Variants in ADIPOR2 observed in about 807,000 individuals in gnomAD.
The protein encoded by ADIPOR2 is adiponectin receptor protein 2.
Under a neutral mutation model 40.9 loss-of-function variants are expected in ADIPOR2, and 18 were observed. That is an observed-to-expected ratio of 0.44 (90% CI 0.30 to 0.65). The LOEUF (loss-of-function observed/expected upper bound fraction) is 0.65, where lower values mean the gene tolerates loss of function less well. Among genes scored for constraint, ADIPOR2 ranks in the 30% least tolerant of loss-of-function variants. ADIPOR2 has a pLI of 0.09. For missense variants in ADIPOR2, 283 were observed against 479.2 expected, an observed-to-expected ratio of 0.59 and a Z score of 3.82; for synonymous variants, 165 against 166.4, an observed-to-expected ratio of 0.99 and a Z score of 0.06.
intron 1 of ADIPOR2, among the ~76,000 whole-genome samples, chr12:1,721,116 C>T (rs940288017): frequency 6.6e-6 from 1 of 151,664 alleles, no homozygotes; most frequent in African/African-American, 2.4e-5. Context: ...TAAAACTAAA[C>T]TTTGCCCCGG....
chr12:1,700,227 G>A (rs1489053650), intron 1 of ADIPOR2, among the ~76,000 whole-genome samples: 1 of 152,132 alleles, frequency 6.6e-6, no homozygotes, highest in South Asian at 2.1e-4. Flanking sequence ...TGGCCATTTA[G>A]GCCTTTCTTT....
At chr12:1,746,272 CACTTTGAG>C (rs2094754799) in intron 1 of ADIPOR2, among the ~76,000 whole-genome samples, 1 of 152,150 alleles carries the variant, frequency 6.6e-6, no homozygotes, top group African/African-American at 2.4e-5. Context: ...GTAATCCCAG[CACTTTGAG>C]AGGCTGAGGT....
At chr12:1,701,538 T>G (rs2094650254) in intron 1 of ADIPOR2, among the ~76,000 whole-genome samples, 1 of 152,254 alleles carries the variant, frequency 6.6e-6, no homozygotes, top group African/African-American at 2.4e-5. Flanking sequence ...GCTTATTCTA[T>G]AATTTGTCTT....
chr12:1,753,505 C>T (rs1862048686), intron 1 of ADIPOR2, among the ~76,000 whole-genome samples: 2 of 152,150 alleles, frequency 1.3e-5, no homozygotes, highest in Non-Finnish European at 1.5e-5. Flanking sequence ...GGATGTAAAA[C>T]GTGTATGCTT....
chr12:1,775,288 TA>T lies in ADIPOR2; in HGVS notation c.291+2328del, dbSNP rs553030662. Among the ~76,000 whole-genome samples, 318 of 152,352 alleles carry T rather than the reference TA, an allele frequency of 2.1e-3. 1 individual carries two copies. Among genetic ancestry groups the T allele is most frequent in the Admixed American group, 5.6e-3 (86 of 15,312 alleles). ...AAGCCGTGATCTTATTTTTTTATTCTAGGGGGTAAAAGAGGATACCTATTTG... is the reference window on the plus strand; with the variant it reads ...AAGCCGTGATCTTATTTTTTTATTCTGGGGGTAAAAGAGGATACCTATTTG... On this transcript the variant is annotated intron_variant, in intron 3 of 7. Transcript: ENST00000357103.
chr12:1,737,496 A>C (rs967719092), intron 1 of ADIPOR2, among the ~76,000 whole-genome samples: 1 of 152,220 alleles, frequency 6.6e-6, no homozygotes, highest in Non-Finnish European at 1.5e-5. Context: ...CAAGTTTACC[A>C]GATAGAAAAA....
intron 2 of ADIPOR2, among the ~76,000 whole-genome samples, chr12:1,771,822 A>G (rs1862499851): frequency 6.6e-6 from 1 of 152,228 alleles, no homozygotes; most frequent in Non-Finnish European, 1.5e-5. Context: ...TGTTAGCAGT[A>G]CTGTTTATCT....
intron 5 of ADIPOR2, 80 bp downstream of exon 5, chr12:1,780,717 G>T: frequency 1.4e-6 from 2 of 1,424,660 alleles, no homozygotes; most frequent in East Asian, 2.4e-5. Flanking sequence ...AGAGTTGGCA[G>T]AATTCTTAAT....
At chr12:1,767,718 A>G (rs943102711) in intron 2 of ADIPOR2, among the ~76,000 whole-genome samples, 2 of 152,206 alleles carry the variant, frequency 1.3e-5, no homozygotes, top group African/African-American at 4.8e-5. Context: ...GAAGTATTTC[A>G]GAAAGAAAGT....
chr12:1,777,371 ATTTTTTCTTTCTTTTTT>A lies in ADIPOR2; in HGVS notation c.292-476_292-460del, dbSNP rs1477798534. Among the ~76,000 whole-genome samples, 8 of 111,840 alleles carry A rather than the reference ATTTTTTCTTTCTTTTTT, an allele frequency of 7.2e-5. No homozygotes were observed. In the East Asian group the frequency reaches 2.0e-3, roughly 28 times the overall value. The allele number at this position is 111,840 out of a possible 152,430, so 73.4% of individuals were successfully genotyped here. ...TCCTAAGGCCCCCACTTAAAAGTAT[ATTTTTTCTTTCTTTTTT>A]TTTTTTTTTTTTTTTGAGGCAGAGT... On this transcript the variant is annotated intron_variant, in intron 3 of 7. Coordinates refer to ENST00000357103, the MANE Select transcript of ADIPOR2 (RefSeq NM_024551.3).
intron 1 of ADIPOR2, among the ~76,000 whole-genome samples, chr12:1,748,156 A>G (rs1172473934): frequency 1.3e-5 from 2 of 151,570 alleles, no homozygotes; most frequent in East Asian, 1.9e-4. Flanking sequence ...TCAGCTTCAT[A>G]ATTTTTATTT....
intron 1 of ADIPOR2, among the ~76,000 whole-genome samples, chr12:1,723,861 GA>G (rs2154442244): frequency 6.6e-6 from 1 of 152,278 alleles, no homozygotes; most frequent in African/African-American, 2.4e-5. Flanking sequence ...GCAGGGTCTT[GA>G]AGGGGTATTT....
chr12:1,761,778 A>G (rs988812130), intron 2 of ADIPOR2, among the ~76,000 whole-genome samples: 7 of 152,186 alleles, frequency 4.6e-5, no homozygotes, highest in African/African-American at 1.7e-4. Flanking sequence ...AGCCACCACC[A>G]TCTTCCATCT....
At chr12:1,780,713 G>A in intron 5 of ADIPOR2, 76 bp downstream of exon 5, 3 of 1,424,168 alleles carry the variant, frequency 2.1e-6, no homozygotes, top group Admixed American at 2.5e-5. Flanking sequence ...CAGCAGAGTT[G>A]GCAGAATTCT....
In ADIPOR2 at chr12:1,691,657, T is replaced by TG. The variant is rs367734723; in HGVS notation, c.-87+470dup. On this transcript the variant is annotated intron_variant, in intron 1 of 7. Transcript: ENST00000357103. ...CTCTCAGCGCTACTTTCACAGTGAC[T>TG]GGGGTGGGGAAGAGTTCCCTCACCT... Among the ~76,000 whole-genome samples the TG allele has an allele frequency of 9.1e-4, 139 of 152,314 alleles. 2 individuals carry two copies. The South Asian group carries it at 9.3e-3, about 10-fold the overall frequency.
intron 6 of ADIPOR2, among the ~76,000 whole-genome samples, chr12:1,783,380 CTCT>C (rs1823849977): frequency 6.6e-6 from 1 of 150,976 alleles, no homozygotes; most frequent in African/African-American, 2.4e-5. Context: ...AGCTAAGCCT[CTCT>C]TAGTGAGGCT....
At chr12:1,763,786 C>T (rs1454791600) in intron 2 of ADIPOR2, among the ~76,000 whole-genome samples, 4 of 152,070 alleles carry the variant, frequency 2.6e-5, no homozygotes, top group Non-Finnish European at 4.4e-5. Flanking sequence ...TGAGACCAGC[C>T]TGGACAACAT....
chr12:1,739,637 T>C (rs532166589), intron 1 of ADIPOR2, among the ~76,000 whole-genome samples: 5 of 152,380 alleles, frequency 3.3e-5, no homozygotes, highest in Non-Finnish European at 5.9e-5. Flanking sequence ...CTAGCTGAGT[T>C]GAGTTTTTTG....
At chr12:1,754,693 TTATTATTACTACTACTACTACTAC>T (rs1328597400) in intron 2 of ADIPOR2, among the ~76,000 whole-genome samples, 179 bp downstream of exon 2, 130 of 136,744 alleles carry the variant, frequency 9.5e-4, no homozygotes, top group Admixed American at 1.3e-3. Flanking sequence ...ATCTTTATTA[TTATTATTACTACTACTACTACTAC>T]TACTACTACT....
Sources: gnomAD v4.1 joint callset for allele counts (sites outside exome capture counted in the v4.1 genomes callset) on GRCh38, gnomAD v4.1.1 for gene constraint, MANE v1.5 for transcripts, NCBI Gene and HGNC (gene_info 2026-07-23, HGNC 2026-07-21) for gene names.